COMMD1: variants seen among roughly 807,000 people sequenced by gnomAD.
COMMD1 encodes copper metabolism domain containing 1.
In COMMD1, 10 loss-of-function variants were observed where a neutral mutation model predicts 17.2. The observed-to-expected ratio is 0.58, with a 90% CI of 0.36 to 0.99. The LOEUF (loss-of-function observed/expected upper bound fraction) is 0.99. Among genes scored for constraint, COMMD1 ranks in the 50% least tolerant of loss-of-function variants. The pLI is 0.01. For synonymous variants in COMMD1, 97 were observed against 91.6 expected (o/e 1.06, Z -0.34); for missense variants, 270 against 231.8 (o/e 1.17, Z -1.07).
chr2:62,015,951 C>A (rs1669432291), intron 2 of COMMD1, among the ~76,000 whole-genome samples: 1 of 151,882 alleles, frequency 6.6e-6, no homozygotes, highest in Non-Finnish European at 1.5e-5. Context: ...TCTTGCTCAG[C>A]ATCCTGAGTA....
chr2:61,965,058 T>C (rs751302701), intron 1 of COMMD1, among the ~76,000 whole-genome samples: 8 of 152,028 alleles, frequency 5.3e-5, no homozygotes, highest in Non-Finnish European at 1.0e-4. Flanking sequence ...AAAAAAAGAA[T>C]TGAGGGATTG....
chr2:61,972,594 C>T (rs963201790), intron 1 of COMMD1, among the ~76,000 whole-genome samples: 2 of 152,194 alleles, frequency 1.3e-5, no homozygotes, highest in African/African-American at 4.8e-5. Context: ...AGCACATACC[C>T]TTGATATGGT....
At chr2:61,894,274 A>AT in intron 1 of COMMD1, among the ~76,000 whole-genome samples, 1 of 152,124 alleles carries the variant, frequency 6.6e-6, no homozygotes, top group East Asian at 1.9e-4. Context: ...TGGCTATTGA[A>AT]TTTTTTTAGT....
intron 1 of COMMD1, among the ~76,000 whole-genome samples, chr2:61,907,422 A>G (rs529531500): frequency 8.4e-4 from 128 of 152,120 alleles, no homozygotes; most frequent in South Asian, 7.5e-3. Flanking sequence ...TCCTATTTCT[A>G]TCAAATTTTA....
intron 1 of COMMD1, among the ~76,000 whole-genome samples, chr2:61,908,606 G>A (rs1325877757): frequency 6.6e-6 from 1 of 151,004 alleles, no homozygotes; most frequent in Non-Finnish European, 1.5e-5. Context: ...TGTTGCCCAG[G>A]CCAGAGTGCA....
intron 1 of COMMD1, among the ~76,000 whole-genome samples, chr2:61,958,938 C>T (rs921777189): frequency 6.6e-6 from 1 of 152,130 alleles, no homozygotes; most frequent in Non-Finnish European, 1.5e-5. Flanking sequence ...CGGGCCTTTT[C>T]TCAGAGGTGG....
Position 62,135,901 on chromosome 2 carries a change from T to C in COMMD1, c.533T>C (p.Val178Ala). The C allele has an allele frequency of 1.9e-6, 3 of 1,603,596 alleles. No homozygotes were observed. The highest frequency in any genetic ancestry group is 2.6e-6 in the Non-Finnish European group (3 of 1,170,462). The change falls in exon 3 of 3, where the codon GTA becomes GCA. Residue 178 changes from valine (V) to alanine (A), a missense_variant. By Grantham distance (64) the Val-to-Ala change is moderately conservative. Transcript: ENST00000311832. ...CAAATTCTGAAGACGCTGTCAGAGG[T>C]AGAAGAAAGTATCAGCACACTGATC... ...VNQILKTLSEVEESISTLISQ... is the reference protein window; with the variant it reads ...VNQILKTLSEAEESISTLISQ...
chr2:62,014,687 G>A (rs905323766), intron 2 of COMMD1, among the ~76,000 whole-genome samples: 4 of 149,334 alleles, frequency 2.7e-5, no homozygotes, highest in South Asian at 2.1e-4. Flanking sequence ...TCAGCCTCCC[G>A]AGTAGCTGGG....
chr2:61,907,502 A>T (rs192664482), intron 1 of COMMD1, among the ~76,000 whole-genome samples: 2 of 152,068 alleles, frequency 1.3e-5, no homozygotes, highest in African/African-American at 4.8e-5. Context: ...TTGGTCTCCT[A>T]TGGGGATGAG....
At chr2:62,051,449 T>C (rs1670530851) in intron 2 of COMMD1, among the ~76,000 whole-genome samples, 1 of 152,226 alleles carries the variant, frequency 6.6e-6, no homozygotes, top group Non-Finnish European at 1.5e-5. Flanking sequence ...TATTTTTTCA[T>C]ATATGCATCT....
intron 2 of COMMD1, among the ~76,000 whole-genome samples, chr2:62,093,796 G>T (rs1558596702): frequency 6.6e-6 from 1 of 152,184 alleles, no homozygotes; most frequent in Admixed American, 6.5e-5. Flanking sequence ...GGGTTATTCA[G>T]ATGAGGTAAG....
At chr2:62,064,432 C>G (rs750196951) in intron 2 of COMMD1, among the ~76,000 whole-genome samples, 1 of 152,178 alleles carries the variant, frequency 6.6e-6, no homozygotes, top group African/African-American at 2.4e-5. Context: ...CCTTGGCCTC[C>G]CAAAGTGCTG....
At chr2:62,028,970 C>T (rs1248206785) in intron 2 of COMMD1, among the ~76,000 whole-genome samples, 1 of 152,032 alleles carries the variant, frequency 6.6e-6, no homozygotes. Flanking sequence ...ATTGGCTTCA[C>T]CATCAATTTA....
At chr2:62,060,201 C>T (rs1670821208) in intron 2 of COMMD1, among the ~76,000 whole-genome samples, 1 of 152,048 alleles carries the variant, frequency 6.6e-6, no homozygotes, top group African/African-American at 2.4e-5. Flanking sequence ...TGTGGTGGCA[C>T]ACACCTGTAG....
upstream of COMMD1, among the ~76,000 whole-genome samples, chr2:61,903,837 C>T (rs1042738568): frequency 2.0e-5 from 3 of 151,938 alleles, no homozygotes; most frequent in Admixed American, 6.6e-5. Flanking sequence ...CCACCATGCC[C>T]GACCTCAGTT....
chr2:61,959,926 T>C (rs977793310), intron 1 of COMMD1, among the ~76,000 whole-genome samples: 2 of 152,180 alleles, frequency 1.3e-5, no homozygotes, highest in African/African-American at 4.8e-5. Context: ...ATTTTACACT[T>C]TACCCGATTG....
chr2:61,899,266 C>A (rs966671819), intron 1 of COMMD1, among the ~76,000 whole-genome samples: 4 of 152,114 alleles, frequency 2.6e-5, no homozygotes, highest in Non-Finnish European at 5.9e-5. Flanking sequence ...AGAAGGAAGG[C>A]AACATTCTTA....
intron 1 of COMMD1, among the ~76,000 whole-genome samples, chr2:61,964,534 G>A (rs890338376): frequency 6.6e-6 from 1 of 151,086 alleles, no homozygotes; most frequent in East Asian, 2.0e-4. Context: ...TCATTTTTGT[G>A]TTTGTAATAA....
intron 1 of COMMD1, among the ~76,000 whole-genome samples, chr2:61,960,052 G>T (rs1349838705): frequency 2.0e-5 from 3 of 152,174 alleles, no homozygotes; most frequent in Admixed American, 6.5e-5. Flanking sequence ...ACTATGGACT[G>T]GGGCTTGTCT....
Sources: allele counts gnomAD v4.1 joint callset (sites outside exome capture counted in the v4.1 genomes callset), GRCh38; gene constraint gnomAD v4.1.1; transcripts MANE v1.5; gene names NCBI Gene and HGNC (gene_info 2026-07-23, HGNC 2026-07-21).